AHCTF1: variants seen among roughly 807,000 people sequenced by gnomAD.
AHCTF1 encodes the protein AT-hook containing transcription factor 1, also known as protein ELYS.
Under a neutral mutation model 248.4 loss-of-function variants are expected in AHCTF1, and 24 were observed. The observed-to-expected ratio is 0.10, with a 90% CI of 0.07 to 0.14. AHCTF1 has a LOEUF of 0.14. AHCTF1 is among the 10% of genes least tolerant of loss of function. The pLI is 1.00. For synonymous variants in AHCTF1, 786 were observed against 929.8 expected (o/e 0.85, Z 2.81); for missense variants, 2,206 against 2,636.2 (o/e 0.84, Z 3.57).
chr1:246,894,643 G>C lies in AHCTF1; in HGVS notation c.1804+16C>G, dbSNP rs755619681. The C allele has an allele frequency of 9.5e-6, 15 of 1,586,614 alleles. No individual in the cohort carries two copies. Among genetic ancestry groups the C allele is most frequent in the Non-Finnish European group, 1.2e-5 (14 of 1,157,408 alleles). On this transcript the variant is annotated intron_variant, in intron 14 of 35. Transcript: ENST00000648844. ...AATATTAAATTCTGTCCTACATCTAGACCTCTAATACTTACATAGTCTGTC... is the reference window on the plus strand; with the variant it reads ...AATATTAAATTCTGTCCTACATCTACACCTCTAATACTTACATAGTCTGTC...
At chr1:246,872,016 C>CCA (rs1181021757) in intron 24 of AHCTF1, among the ~76,000 whole-genome samples, 1 of 145,798 alleles carries the variant, frequency 6.9e-6, no homozygotes, top group Non-Finnish European at 1.5e-5. Context: ...AGGGTATTTT[C>CCA]CACACTTAGA....
rs75330127 is a variant in AHCTF1 at position 246,864,997 on chromosome 1, G to A, written c.3348-881C>T. ...TTAAGATTCTACTACAAGGTTTTCC[G>A]TAATGTCCTAGTCCCAATGATAAAA... On this transcript the variant is annotated intron_variant, in intron 26 of 35. Coordinates refer to ENST00000648844, the MANE Select transcript of AHCTF1 (RefSeq NM_001323342.2). Among the ~76,000 whole-genome samples, 1,034 of 151,908 alleles carry A rather than the reference G, an allele frequency of 6.8e-3. 7 individuals carry two copies. Among genetic ancestry groups the A allele is most frequent in the African/African-American group, 0.022 (920 of 41,516 alleles).
chr1:246,867,795 T>C lies in AHCTF1; in HGVS notation c.3105A>G (p.Pro1035=). The part of the protein sequence containing the change: ...SVFRLVSRPK[P]LSAVPKQVVT... ...CAACTTGCTTTGGAACTGCTGATAA[T>C]GGTTTGGGTCTAGAAACTGTAAAAT... The change falls in exon 25 of 36, where the codon CCA becomes CCG. Residue 1035 remains proline, a synonymous_variant. Coordinates refer to ENST00000648844, the MANE Select transcript of AHCTF1 (RefSeq NM_001323342.2). 1 of 1,610,586 alleles carries C rather than the reference T, an allele frequency of 6.2e-7. No individual in the cohort carries two copies. The highest frequency in any genetic ancestry group is 1.1e-5 in the South Asian group (1 of 90,624).
intron 1 of AHCTF1, among the ~76,000 whole-genome samples, chr1:246,920,142 CAAAAAAAAAAAA>C (rs68194249): frequency 0.025 from 1,022 of 40,834 alleles, 16 homozygotes; most frequent in African/African-American, 0.083. Context: ...CTGTCCCCCG[CAAAAAAAAAAAA>C]AAAAAAAAAA....
chr1:246,903,801 G>A (rs1425133109), intron 7 of AHCTF1, 148 bp downstream of exon 7: 7 of 620,200 alleles, frequency 1.1e-5, no homozygotes, highest in Non-Finnish European at 1.6e-5. Flanking sequence ...TTGCACCACT[G>A]CACTCCAGCC....
intron 1 of AHCTF1, among the ~76,000 whole-genome samples, chr1:246,929,415 A>C (rs1040393596): frequency 4.6e-5 from 7 of 151,774 alleles, no homozygotes; most frequent in African/African-American, 9.7e-5. Context: ...TCTCAAAAAA[A>C]TAAAAATAAA....
At chr1:246,853,518 A>G (rs977992901) in intron 31 of AHCTF1, among the ~76,000 whole-genome samples, 1 of 152,206 alleles carries the variant, frequency 6.6e-6, no homozygotes, top group African/African-American at 2.4e-5. Context: ...TAACTGATAA[A>G]CGGTATCAGG....
chr1:246,877,736 G>T (rs1663081052), intron 21 of AHCTF1, among the ~76,000 whole-genome samples: 1 of 151,918 alleles, frequency 6.6e-6, no homozygotes, highest in African/African-American at 2.4e-5. Flanking sequence ...CTTGGTAGTA[G>T]ATGTTTTTTG....
In AHCTF1 at chr1:246,864,733, G is replaced by C. The variant is rs1447330231; in HGVS notation, c.3348-617C>G. ...CGGGCGCCTGTAGTCCCAGCTACTCGGGAGGCTGAGGCAGGAGAATGGCGT... is the reference window on the plus strand; with the variant it reads ...CGGGCGCCTGTAGTCCCAGCTACTCCGGAGGCTGAGGCAGGAGAATGGCGT... On this transcript the variant is annotated intron_variant, in intron 26 of 35. Coordinates refer to ENST00000648844, the MANE Select transcript of AHCTF1 (RefSeq NM_001323342.2). 3.0e-5 allele frequency among the ~76,000 whole-genome samples: 2 copies of C among 67,062 alleles called. 1 individual carries two copies. The highest frequency in any genetic ancestry group is 4.6e-5 in the Non-Finnish European group (2 of 43,292). 44.0% of individuals were successfully genotyped at this position (67,062 alleles called of 152,430 possible).
At chr1:246,931,505 GC>G in intron 1 of AHCTF1, 72 bp downstream of exon 1, 1 of 561,334 alleles carries the variant, frequency 1.8e-6, no homozygotes, top group Non-Finnish European at 2.3e-6. Context: ...CGCCGCCGCC[GC>G]CGCCGCGGGT....
chr1:246,906,434 T>C (rs940447265), intron 5 of AHCTF1, among the ~76,000 whole-genome samples: 4 of 151,516 alleles, frequency 2.6e-5, no homozygotes, highest in Non-Finnish European at 4.4e-5. Flanking sequence ...ATACAAAAAC[T>C]AGCTGGGTTC....
chr1:246,866,323 GA>G (rs138811688), intron 26 of AHCTF1, among the ~76,000 whole-genome samples: 2 of 150,882 alleles, frequency 1.3e-5, no homozygotes, highest in African/African-American at 4.9e-5. Context: ...GGGACTTGCA[GA>G]AAAAAAAATC....
At position 246,862,067 on chromosome 1, in the gene AHCTF1, T is replaced by C; in HGVS notation, c.3627A>G (p.Ser1209=). 5.6e-6 allele frequency: 9 copies of C among 1,612,286 alleles called. No individual in the cohort carries two copies. The highest frequency in any genetic ancestry group is 7.6e-6 in the Non-Finnish European group (9 of 1,178,506). ...PQSILRSTLR[S]TPLASPSPSP... is the part of the protein sequence containing the mutation. Reference sequence around the variant, plus strand: ...ATGGAGAGGGAGATGCTAAAGGTGTTGATCGAAGAGTAGACCTCAGGATGG... The same window carrying C: ...ATGGAGAGGGAGATGCTAAAGGTGTCGATCGAAGAGTAGACCTCAGGATGG... The change falls in exon 28 of 36, where the codon TCA becomes TCG. Residue 1209 remains serine (S), a synonymous_variant. Transcript: ENST00000648844.
chr1:246,893,734 T>C (rs1664374315), intron 14 of AHCTF1, among the ~76,000 whole-genome samples: 1 of 152,232 alleles, frequency 6.6e-6, no homozygotes, highest in South Asian at 2.1e-4. Flanking sequence ...AAATAGAAAG[T>C]GAGTTAAGTA....
At chr1:246,876,896 C>G in intron 23 of AHCTF1, 54 bp downstream of exon 23, 1 of 1,587,556 alleles carries the variant, frequency 6.3e-7, no homozygotes. Context: ...ACCAAAAAAG[C>G]CTCCAGTTTT....
chr1:246,920,937 A>G (rs1275960278), intron 1 of AHCTF1, among the ~76,000 whole-genome samples: 1 of 151,518 alleles, frequency 6.6e-6, no homozygotes, highest in African/African-American at 2.4e-5. Flanking sequence ...AATACCAAAA[A>G]AAAAATCAGC....
In AHCTF1 at chr1:246,851,633, A is replaced by G. The variant is rs117448044; in HGVS notation, c.4564-191T>C. Among the ~76,000 whole-genome samples the G allele has an allele frequency of 6.7e-4, 102 of 152,332 alleles. 1 individual carries two copies. The East Asian group carries it at 0.014, about 20-fold the overall frequency. On this transcript the variant is annotated intron_variant, in intron 32 of 35. Transcript: ENST00000648844. ...AATCAGACTTTCTCATTCAGTCAAA[A>G]TAACTACATTTTGAGATTATGACTG...
chr1:246,861,831 T>A (rs1216465072), intron 28 of AHCTF1, 128 bp downstream of exon 28: 1 of 802,800 alleles, frequency 1.2e-6, no homozygotes. Flanking sequence ...ATTTCATTAC[T>A]AGCTACAAGA....
chr1:246,842,545 G>A, intron 35 of AHCTF1, 149 bp downstream of exon 35: 1 of 478,502 alleles, frequency 2.1e-6, no homozygotes. Context: ...TCACACCACT[G>A]CACTCCAGCC....
Sources: allele counts gnomAD v4.1 joint callset (sites outside exome capture counted in the v4.1 genomes callset), GRCh38; gene constraint gnomAD v4.1.1; transcripts MANE v1.5; gene names NCBI Gene and HGNC (gene_info 2026-07-23, HGNC 2026-07-21).